C14orf39: variants seen among roughly 807,000 people sequenced by gnomAD.
C14orf39 encodes protein SIX6OS1.
In C14orf39, 66 loss-of-function variants were observed where a neutral mutation model predicts 85.6. The ratio of observed to expected loss-of-function variants is 0.77; its 90% CI spans 0.63 to 0.95. The LOEUF (loss-of-function observed/expected upper bound fraction) is 0.95. Ranked by LOEUF, C14orf39 falls within the 40% of genes least tolerant of loss-of-function variation. The probability of loss-of-function intolerance (pLI) is 0.00; values close to 1 mark genes in which losing one functional copy is unlikely to be tolerated. For synonymous variants in C14orf39, 242 were observed against 214.0 expected (o/e 1.13, Z -1.14); for missense variants, 735 against 663.9 (o/e 1.11, Z -1.18).
intron 16 of C14orf39, among the ~76,000 whole-genome samples, chr14:60,451,022 C>A (rs913665984): frequency 1.3e-5 from 2 of 152,174 alleles, no homozygotes; most frequent in Non-Finnish European, 2.9e-5. Flanking sequence ...GTGAAGACTA[C>A]AGTAAATACC....
intron 1 of C14orf39, among the ~76,000 whole-genome samples, chr14:60,499,895 C>T (rs897292503): frequency 2.6e-5 from 4 of 152,110 alleles, no homozygotes; most frequent in African/African-American, 9.7e-5. Context: ...AATATATTAA[C>T]ATGTATAACC....
At chr14:60,458,489 AT>A (rs1468555461) in intron 14 of C14orf39, among the ~76,000 whole-genome samples, 188 bp downstream of exon 14, 2 of 151,886 alleles carry the variant, frequency 1.3e-5, no homozygotes, top group African/African-American at 4.8e-5. Flanking sequence ...ATTTTTGTAT[AT>A]TTTCATATAA....
At chr14:60,511,207 T>C in intron 1 of C14orf39, 5 of 1,613,252 alleles carry the variant, frequency 3.1e-6, no homozygotes, top group African/African-American at 1.3e-5. Context: ...AGGCGGCCAC[T>C]TCAGCCATCT....
chr14:60,479,375 A>C (rs1892535168), intron 4 of C14orf39, among the ~76,000 whole-genome samples: 1 of 152,166 alleles, frequency 6.6e-6, no homozygotes, highest in Admixed American at 6.5e-5. Flanking sequence ...ATGGTCATAA[A>C]GATAGCAACA....
intron 16 of C14orf39, among the ~76,000 whole-genome samples, chr14:60,452,162 A>C (rs1388631615): frequency 6.8e-6 from 1 of 147,958 alleles, no homozygotes; most frequent in Admixed American, 6.8e-5. Context: ...CAAAGACTCC[A>C]TCTCAAAAAA....
upstream of C14orf39, among the ~76,000 whole-genome samples, chr14:60,490,837 C>A (rs1253790947): frequency 1.3e-5 from 2 of 152,120 alleles, no homozygotes; most frequent in African/African-American, 2.4e-5. Flanking sequence ...AACTGCCCTA[C>A]AAACTCTATC....
chr14:60,478,520 C>A, intron 4 of C14orf39, 131 bp from the exon 5 acceptor site: 1 of 471,444 alleles, frequency 2.1e-6, no homozygotes, highest in Non-Finnish European at 3.7e-6. Flanking sequence ...AAGCTTACAT[C>A]AAGAAAAGTA....
chr14:60,444,295 A>G (rs1473713404), intron 16 of C14orf39, among the ~76,000 whole-genome samples: 2 of 152,128 alleles, frequency 1.3e-5, no homozygotes, highest in Admixed American at 6.5e-5. Flanking sequence ...GAAGCTAAAA[A>G]CCTTGAAAAA....
At chr14:60,513,981 T>TTAA (rs1893328549) in intron 1 of C14orf39, among the ~76,000 whole-genome samples, 1 of 152,262 alleles carries the variant, frequency 6.6e-6, no homozygotes, top group South Asian at 2.1e-4. Context: ...ATTTATTTAT[T>TTAA]TAATTTCACT....
intron 9 of C14orf39, among the ~76,000 whole-genome samples, 176 bp downstream of exon 9, chr14:60,468,269 G>A (rs1891892352): frequency 9.9e-6 from 1 of 100,962 alleles, no homozygotes; most frequent in Non-Finnish European, 2.3e-5. Flanking sequence ...GCAGATTTTA[G>A]TATTAGCTCA....
At chr14:60,481,317 T>C (rs1008020534) in intron 4 of C14orf39, among the ~76,000 whole-genome samples, 2 of 152,194 alleles carry the variant, frequency 1.3e-5, no homozygotes, top group African/African-American at 4.8e-5. Context: ...TGAGAGGATC[T>C]CTATTTCCTT....
At chr14:60,501,707 G>C (rs995224098) in intron 1 of C14orf39, among the ~76,000 whole-genome samples, 2 of 152,206 alleles carry the variant, frequency 1.3e-5, no homozygotes, top group Non-Finnish European at 2.9e-5. Context: ...TGCAACAACA[G>C]TGGTCCACAG....
upstream of C14orf39, among the ~76,000 whole-genome samples, chr14:60,486,589 GCT>G (rs971564579): frequency 4.6e-5 from 7 of 152,138 alleles, no homozygotes; most frequent in African/African-American, 1.4e-4. Flanking sequence ...GGTAATTTAT[GCT>G]CTTAGGCTTT....
At chr14:60,478,809 T>C (rs529677770) in intron 4 of C14orf39, among the ~76,000 whole-genome samples, 2 of 152,232 alleles carry the variant, frequency 1.3e-5, no homozygotes, top group African/African-American at 2.4e-5. Flanking sequence ...AGAGAGGTTT[T>C]TTTGCTCCTT....
At chr14:60,454,933 A>G (rs1327858684) in intron 16 of C14orf39, 68 bp downstream of exon 16, 1 of 1,259,296 alleles carries the variant, frequency 7.9e-7, no homozygotes, top group East Asian at 2.7e-5. Context: ...TTTGTATTAA[A>G]GAACTAAAAT....
rs117389235 is a variant in C14orf39 at position 60,504,076 on chromosome 14, C to T, written c.-143-4646G>A. Among the ~76,000 whole-genome samples the T allele has an allele frequency of 1.4e-3, 216 of 152,244 alleles. 2 individuals carry two copies. Among genetic ancestry groups the T allele is most frequent in the Non-Finnish European group, 2.4e-3 (163 of 68,022 alleles). On this transcript the variant is annotated intron_variant, in intron 1 of 5. Transcript: ENST00000556799. The stretch of plus-strand genomic sequence containing the variant: ...CCCACTAGATGCCAACTGAGACTAC[C>T]GAAACTGTCTCCAGATATTGACAAA...
Position 60,442,487 on chromosome 14 carries a change from T to C in C14orf39, c.1504-356A>G, listed in dbSNP as rs74244899. On this transcript the variant is annotated intron_variant, in intron 16 of 17. Coordinates refer to ENST00000321731, the MANE Select transcript of C14orf39 (RefSeq NM_174978.3). The stretch of plus-strand genomic sequence containing the variant: ...CAGGAAGTGGATAGCTTCATGTCAG[T>C]TGAGATCAAGTTTTGCTGCCAAAAG... Among the ~76,000 whole-genome samples, 272 of 152,322 alleles carry C rather than the reference T, an allele frequency of 1.8e-3. 6 individuals are homozygous for C. The East Asian group carries it at 0.046, about 25-fold the overall frequency.
chr14:60,477,779 T>A (rs760039582), intron 5 of C14orf39, among the ~76,000 whole-genome samples: 7 of 152,216 alleles, frequency 4.6e-5, no homozygotes, highest in Non-Finnish European at 1.0e-4. Flanking sequence ...AAACAGTTTA[T>A]ATCTAAGGCC....
At chr14:60,475,470 A>G (rs1465216805) in intron 5 of C14orf39, among the ~76,000 whole-genome samples, 2 of 152,224 alleles carry the variant, frequency 1.3e-5, no homozygotes, top group East Asian at 3.8e-4. Flanking sequence ...TGTACAGCCC[A>G]TGAACTATGA....
Sources: gnomAD v4.1 joint callset for allele counts (sites outside exome capture counted in the v4.1 genomes callset) on GRCh38, gnomAD v4.1.1 for gene constraint, MANE v1.5 for transcripts, NCBI Gene and HGNC (gene_info 2026-07-23, HGNC 2026-07-21) for gene names.